Variants in LRRC56 observed in about 807,000 individuals in gnomAD.
LRRC56 encodes leucine-rich repeat-containing protein 56.
LRRC56 carries 41 observed loss-of-function variants against 47.8 expected under a neutral mutation model. The ratio of observed to expected loss-of-function variants is 0.86; its 90% confidence interval spans 0.67 to 1.11. The LOEUF (loss-of-function observed/expected upper bound fraction) is 1.11. Among genes scored for constraint, LRRC56 ranks in the 50% most tolerant of loss-of-function variants. The pLI is 0.00. For missense variants in LRRC56, 759 were observed against 704.2 expected (o/e 1.08, Z -0.88); for synonymous variants, 387 against 311.2 (o/e 1.24, Z -2.56).
chr11:512,359 G>C, the LRRC56 span, among the ~76,000 whole-genome samples: 1 of 152,082 alleles, frequency 6.6e-6, no homozygotes, highest in East Asian at 1.9e-4. Context: ...TCGGCCTCCT[G>C]AGTAGCTGGG....
At position 541,400 on chromosome 11, in the gene LRRC56, C is replaced by G. The variant is rs1464185119; in HGVS notation, c.178-137C>G. The G allele has an allele frequency of 5.1e-5, 25 of 487,244 alleles. No homozygotes were observed. The highest frequency in any genetic ancestry group is 6.2e-5 in the Non-Finnish European group (17 of 275,950). The allele number at this position is 487,244 out of a possible 1,614,324, so 30.2% of individuals were successfully genotyped here. On this transcript the variant is annotated intron_variant, in intron 4 of 13. Transcript: ENST00000270115. The surrounding 1 kb of genome is among the most constrained non-coding windows in gnomAD (Gnocchi z 4.1). ...TCCACTCCCATCCCACCACCCAGGC[C>G]AGGGCCAACATGGCCCAGGCAGGGA...
At chr11:508,782 A>G in the LRRC56 span, among the ~76,000 whole-genome samples, 1 of 151,338 alleles carries the variant, frequency 6.6e-6, no homozygotes, top group South Asian at 2.1e-4. Context: ...GGTGGCTCAC[A>G]CCTGTAATTC....
At chr11:552,792 C>A in intron 13 of LRRC56, 90 bp downstream of exon 13, 1 of 1,080,716 alleles carries the variant, frequency 9.3e-7, no homozygotes, top group South Asian at 1.6e-5. Context: ...TCAGATGTGT[C>A]AACCTGGCCC....
chr11:532,161 G>A, the LRRC56 span: 76 of 278,546 alleles, frequency 2.7e-4, no homozygotes, highest in South Asian at 4.3e-3. Flanking sequence ...GAGAGCCCAG[G>A]GCTGGACAGG....
the LRRC56 span, among the ~76,000 whole-genome samples, chr11:517,753 GAGAGGTC>G: frequency 6.6e-6 from 1 of 152,144 alleles, no homozygotes; most frequent in Non-Finnish European, 1.5e-5. Context: ...GGAAAAGAAA[GAGAGGTC>G]AGATTGTTAC....
Position 552,173 on chromosome 11 carries a change from AGAC to A in LRRC56, c.1123_1125del (p.Asp375del). ...CTTCCACCCCAGAGCCTGACCCTGC[AGAC>A]AGCTCTGACTTCCTGGCCTTGGCTG... On this transcript the variant is annotated inframe_deletion, in exon 12 of 14. Coordinates refer to ENST00000270115, the MANE Select transcript of LRRC56 (RefSeq NM_198075.4). 6.2e-7 allele frequency: 1 copy of A among 1,612,756 alleles called. No homozygotes were observed. The highest frequency in any genetic ancestry group is 8.5e-7 in the Non-Finnish European group (1 of 1,179,906).
At chr11:509,714 A>ATTTT in the LRRC56 span, among the ~76,000 whole-genome samples, 1 of 125,188 alleles carries the variant, frequency 8.0e-6, no homozygotes, top group South Asian at 2.6e-4. Context: ...CGCCCGGCTA[A>ATTTT]TTTTTTTTTT....
the LRRC56 span, among the ~76,000 whole-genome samples, chr11:507,509 T>C: frequency 2.6e-5 from 4 of 151,972 alleles, no homozygotes; most frequent in African/African-American, 9.7e-5. Context: ...GTGCGTGTTG[T>C]GGGCCTCGCA....
chr11:554,531 C>A lies in LRRC56; in HGVS notation c.*255C>A. ...CCGGCTCCCCAGCCCTTCCTTAGGGCCAGGCTTTCCCGCGGGCACGGGGGT... is the reference window on the plus strand; with the variant it reads ...CCGGCTCCCCAGCCCTTCCTTAGGGACAGGCTTTCCCGCGGGCACGGGGGT... On this transcript the variant is annotated 3_prime_UTR_variant, in exon 14 of 14. Coordinates refer to ENST00000270115, the MANE Select transcript of LRRC56 (RefSeq NM_198075.4). 2.4e-6 allele frequency: 1 copy of A among 423,790 alleles called. No individual in the cohort carries two copies. Among genetic ancestry groups the A allele is most frequent in the African/African-American group, 2.1e-5 (1 of 48,758 alleles). The allele number at this position is 423,790 out of a possible 1,614,324, so 26.3% of individuals were successfully genotyped here. A position where few individuals can be genotyped will look rare whatever the true frequency, so the allele number is the denominator to read the frequency against.
intron 3 of LRRC56, 113 bp downstream of exon 3, chr11:539,839 A>T (rs1461044647): frequency 1.3e-5 from 2 of 152,368 alleles, no homozygotes; most frequent in Non-Finnish European, 2.9e-5. Context: ...CTCAGGAAGA[A>T]CAGGGTGCAA....
intron 8 of LRRC56, among the ~76,000 whole-genome samples, chr11:550,634 C>G (rs1365463832): frequency 6.6e-6 from 1 of 152,202 alleles, no homozygotes; most frequent in African/African-American, 2.4e-5. Context: ...CCCACAGGCC[C>G]CACAGACCAC....
chr11:507,710 A>T, the LRRC56 span, among the ~76,000 whole-genome samples: 8 of 152,320 alleles, frequency 5.3e-5, no homozygotes, highest in African/African-American at 1.9e-4. Flanking sequence ...GCGGCTCCGC[A>T]TGTCGGGGTC....
intron 6 of LRRC56, among the ~76,000 whole-genome samples, 194 bp downstream of exon 6, chr11:544,974 G>C (rs1396946493): frequency 6.6e-6 from 1 of 151,942 alleles, no homozygotes; most frequent in Non-Finnish European, 1.5e-5. Flanking sequence ...TGGGCAGGTG[G>C]GGGGAGCCTG....
At chr11:534,572 C>T (rs1051051731), upstream of LRRC56, 17 of 581,638 alleles carry the variant, frequency 2.9e-5, no homozygotes, top group Non-Finnish European at 4.3e-5. Context: ...CCCACTTGCT[C>T]TTAATGACCC....
In LRRC56 at chr11:545,302, A is replaced by G. The variant is rs898993309; in HGVS notation, c.326+522A>G. Among the ~76,000 whole-genome samples, 5 of 152,356 alleles carry G rather than the reference A, an allele frequency of 3.3e-5. No individual in the cohort carries two copies. In the South Asian group the frequency reaches 1.0e-3, roughly 32 times the overall value. On this transcript the variant is annotated intron_variant, in intron 6 of 13. Coordinates refer to ENST00000270115, the MANE Select transcript of LRRC56 (RefSeq NM_198075.4). ...CTCCCACCTTGAGGTGTCCCTGGTG[A>G]ACACCCCAAAGCCAACCAAGGACTG...
Position 552,207 on chromosome 11 carries a change from A to G in LRRC56, c.1156A>G (p.Arg386Gly), listed in dbSNP as rs893320409. Residue 386 changes from arginine (R) to glycine (G), a missense_variant, in exon 12 of 14, where the codon AGG becomes GGG. Transcript: ENST00000270115. ...TGACTTCCTGGCCTTGGCTGGGCTCAGGGCCTGGAGGGAACATGGCGTGCG... is the reference window on the plus strand; with the variant it reads ...TGACTTCCTGGCCTTGGCTGGGCTCGGGGCCTGGAGGGAACATGGCGTGCG... ...SSDFLALAGL[R>G]AWREHGVRPL... is the part of the protein sequence containing the mutation. The G allele has an allele frequency of 6.2e-7, 1 of 1,611,956 alleles. No individual in the cohort carries two copies. The highest frequency in any genetic ancestry group is 8.5e-7 in the Non-Finnish European group (1 of 1,179,346).
chr11:546,485 G>A (rs1010212547), intron 6 of LRRC56, among the ~76,000 whole-genome samples: 11 of 151,778 alleles, frequency 7.2e-5, no homozygotes, highest in Non-Finnish European at 1.5e-4. Flanking sequence ...GGAAAATGGC[G>A]TGAACCCAGG....
chr11:523,905 G>C, the LRRC56 span, among the ~76,000 whole-genome samples: 77 of 152,316 alleles, frequency 5.1e-4, no homozygotes, highest in African/African-American at 1.8e-3. Flanking sequence ...TCCAGCCTGC[G>C]TGACAGAGCA....
At chr11:548,051 G>A (rs1852179050) in intron 6 of LRRC56, among the ~76,000 whole-genome samples, 1 of 152,006 alleles carries the variant, frequency 6.6e-6, no homozygotes, top group South Asian at 2.1e-4. Flanking sequence ...GCTTGAACCT[G>A]GGAGGCAGAG....
Sources: gnomAD v4.1 joint callset for allele counts (sites outside exome capture counted in the v4.1 genomes callset) on GRCh38, gnomAD v4.1.1 for gene constraint, Gnocchi (gnomAD v3.1) non-coding constraint, MANE v1.5 for transcripts, NCBI Gene and HGNC (gene_info 2026-07-23, HGNC 2026-07-21) for gene names.